Variants in WDSUB1 observed in about 807,000 individuals in gnomAD.
WDSUB1 encodes WD repeat, sterile alpha motif and U-box domain containing 1.
In WDSUB1, 49 loss-of-function variants were observed where a neutral mutation model predicts 53.9. The ratio of observed to expected loss-of-function variants is 0.91; its 90% CI spans 0.72 to 1.15. The LOEUF (loss-of-function observed/expected upper bound fraction) is 1.15, where lower values mean the gene tolerates loss of function less well. Among genes scored for constraint, WDSUB1 ranks in the 50% most tolerant of loss-of-function variants. The pLI is 0.00. For missense variants in WDSUB1, 514 were observed against 562.0 expected (o/e 0.91, Z 0.86); for synonymous variants, 194 against 200.6 (o/e 0.97, Z 0.28).
At chr2:159,246,566 A>ACAAT (rs1362663850) in intron 10 of WDSUB1, among the ~76,000 whole-genome samples, 2 of 152,176 alleles carry the variant, frequency 1.3e-5, no homozygotes, top group Non-Finnish European at 2.9e-5. Context: ...TTAGAATGAT[A>ACAAT]CAATCACTTT....
At chr2:159,282,317 C>G (rs1466936152) in intron 2 of WDSUB1, among the ~76,000 whole-genome samples, 3 of 152,098 alleles carry the variant, frequency 2.0e-5, no homozygotes, top group Non-Finnish European at 4.4e-5. Context: ...CTCAGCCTCC[C>G]AAGTAGCTGG....
chr2:159,244,172 A>C (rs1257015845), intron 10 of WDSUB1, among the ~76,000 whole-genome samples: 3 of 152,132 alleles, frequency 2.0e-5, no homozygotes, highest in African/African-American at 7.2e-5. Context: ...TGAAGGTAAC[A>C]ATGTCTACAC....
At chr2:159,285,465 G>C (rs1011201790) in intron 1 of WDSUB1, among the ~76,000 whole-genome samples, 1 of 152,036 alleles carries the variant, frequency 6.6e-6, no homozygotes, top group African/African-American at 2.4e-5. Context: ...CAGCATTTTG[G>C]GAGGCCGAGA....
At chr2:159,266,351 G>A (rs1369377008) in intron 5 of WDSUB1, among the ~76,000 whole-genome samples, 1 of 152,088 alleles carries the variant, frequency 6.6e-6, no homozygotes, top group Non-Finnish European at 1.5e-5. Context: ...ACAACGCCCG[G>A]CTAATTTTTT....
In WDSUB1 at chr2:159,282,863, CA is replaced by C. The variant is rs753960568; in HGVS notation, c.206del (p.Leu69TrpfsTer23). ...CCCFSPSGHI[L>X]ASCSTDGTTV... ...TGGTACCATCTGTTGAACACGATGCCAAAATATGTCCTGAAGGGGAGAAACA... is the reference window on the plus strand; with the variant it reads ...TGGTACCATCTGTTGAACACGATGCCAAATATGTCCTGAAGGGGAGAAACA... On this transcript the variant is annotated frameshift_variant, in exon 2 of 11. Transcript: ENST00000359774. LOFTEE classifies it high-confidence loss of function. 1 of 1,614,070 alleles carries C rather than the reference CA, an allele frequency of 6.2e-7. No homozygotes were observed. Among genetic ancestry groups the C allele is most frequent in the South Asian group, 1.1e-5 (1 of 91,078 alleles).
At chr2:159,255,583 A>AAC (rs1384434097) in intron 9 of WDSUB1, among the ~76,000 whole-genome samples, 2 of 152,212 alleles carry the variant, frequency 1.3e-5, no homozygotes, top group Non-Finnish European at 2.9e-5. Context: ...TCATTCTGTT[A>AAC]ACTCCTTAAA....
At chr2:159,243,479 A>ATATCCTGG (rs146210343) in intron 10 of WDSUB1, among the ~76,000 whole-genome samples, 15,190 of 147,866 alleles carry the variant, frequency 0.1, 1,453 homozygotes, top group Non-Finnish European at 0.15. Context: ...AGCAATGTCA[A>ATATCCTGG]TATCCTGGTT....
chr2:159,279,298 G>T (rs2061603941), intron 3 of WDSUB1, among the ~76,000 whole-genome samples: 2 of 152,176 alleles, frequency 1.3e-5, no homozygotes, highest in Admixed American at 6.5e-5. Context: ...AACTAATTGT[G>T]TTGGCAAACA....
At chr2:159,247,543 G>GT (rs950226786) in intron 10 of WDSUB1, among the ~76,000 whole-genome samples, 130 of 150,390 alleles carry the variant, frequency 8.6e-4, no homozygotes, top group South Asian at 1.3e-3. Context: ...ACTCTAAACT[G>GT]TTTTTTTTTC....
intron 10 of WDSUB1, among the ~76,000 whole-genome samples, chr2:159,238,713 G>A (rs1000606132): frequency 6.6e-6 from 1 of 152,036 alleles, no homozygotes; most frequent in East Asian, 1.9e-4. Flanking sequence ...GGAGGTTCTC[G>A]ACATGTAACA....
Position 159,236,079 on chromosome 2 carries a change from GT to G in WDSUB1, c.1384del (p.Thr462LeufsTer2). 6.2e-7 allele frequency: 1 copy of G among 1,612,686 alleles called. No homozygotes were observed. The highest frequency in any genetic ancestry group is 8.5e-7 in the Non-Finnish European group (1 of 1,179,618). ...CCATCTATTGATGGCCATTTTCAGAGTCCTATTTGGTGTAAGTACCGCTGAA... is the reference window on the plus strand; with the variant it reads ...CCATCTATTGATGGCCATTTTCAGAGCCTATTTGGTGTAAGTACCGCTGAA... ...LPSAVLTPNR[T>X]LKMAINRWLE... is the part of the protein sequence containing the mutation. On this transcript the variant is annotated frameshift_variant, in exon 11 of 11. Coordinates refer to ENST00000359774, the MANE Select transcript of WDSUB1 (RefSeq NM_001128212.3). LOFTEE classifies it high-confidence loss of function.
chr2:159,254,068 T>C (rs10194090), intron 9 of WDSUB1, among the ~76,000 whole-genome samples: 12,607 of 152,274 alleles, frequency 0.083, 1,164 homozygotes, highest in African/African-American at 0.22. Flanking sequence ...GTCTCCATTC[T>C]TAATGGTTTT....
rs183498032 is a variant in WDSUB1, at chr2:159,245,505, C to T, written c.1273+2867G>A. On this transcript the variant is annotated intron_variant, in intron 10 of 10. Coordinates refer to ENST00000359774, the MANE Select transcript of WDSUB1 (RefSeq NM_001128212.3). ...CCGAGATGGAGCCACTGCACTCCAG[C>T]GTGGGCAACAGAGCAAGACTCTGTC... 1.3e-3 allele frequency among the ~76,000 whole-genome samples: 188 copies of T among 147,882 alleles called. 1 individual carries two copies. The highest frequency in any genetic ancestry group is 1.4e-3 in the Non-Finnish European group (92 of 67,258).
chr2:159,278,883 A>AT (rs1438724234), intron 3 of WDSUB1, among the ~76,000 whole-genome samples: 1 of 152,202 alleles, frequency 6.6e-6, no homozygotes, highest in African/African-American at 2.4e-5. Flanking sequence ...GTTTTGTCCA[A>AT]TAGGGCAGTG....
At chr2:159,265,410 G>A (rs2061323604) in intron 5 of WDSUB1, among the ~76,000 whole-genome samples, 1 of 152,102 alleles carries the variant, frequency 6.6e-6, no homozygotes, top group Non-Finnish European at 1.5e-5. Context: ...GAGACCTTCT[G>A]GAAACAGGCA....
At chr2:159,244,036 G>GA (rs567694486) in intron 10 of WDSUB1, among the ~76,000 whole-genome samples, 3 of 151,880 alleles carry the variant, frequency 2.0e-5, no homozygotes, top group Non-Finnish European at 4.4e-5. Flanking sequence ...TCTAAAGGAG[G>GA]AAAAAAAATA....
chr2:159,284,882 G>A (rs2061754405), intron 1 of WDSUB1, among the ~76,000 whole-genome samples: 1 of 152,070 alleles, frequency 6.6e-6, no homozygotes, highest in South Asian at 2.1e-4. Flanking sequence ...TCCATAAAGC[G>A]GTTTTCTCAA....
At position 159,248,395 on chromosome 2, in the gene WDSUB1, A is replaced by C; in HGVS notation, c.1250T>G (p.Met417Arg). Residue 417 changes from methionine (M) to arginine (R), a missense_variant, in exon 10 of 11, where the codon ATG becomes AGG. Met to Arg is a moderately conservative substitution (Grantham distance 91, BLOSUM62 -1). Coordinates refer to ENST00000359774, the MANE Select transcript of WDSUB1 (RefSeq NM_001128212.3). ...ACCTGATGCGATGACCGGATCTTTC[A>C]TAAGTTCTCTAGTTATTGGACATAT... Reference protein sequence around the residue: ...EFICPITRELMKDPVIASDGY... With the variant: ...EFICPITRELRKDPVIASDGY... The C allele has an allele frequency of 1.2e-6, 2 of 1,612,322 alleles. No individual in the cohort carries two copies. The highest frequency in any genetic ancestry group is 1.1e-5 in the South Asian group (1 of 90,832).
At chr2:159,266,484 G>A (rs1167155547) in intron 5 of WDSUB1, among the ~76,000 whole-genome samples, 1 of 152,132 alleles carries the variant, frequency 6.6e-6, no homozygotes, top group Non-Finnish European at 1.5e-5. Context: ...CACCGCGCCT[G>A]GCCAAGGAAT....
Sources: gnomAD v4.1 joint callset for allele counts (sites outside exome capture counted in the v4.1 genomes callset) on GRCh38, gnomAD v4.1.1 for gene constraint, MANE v1.5 for transcripts, NCBI Gene and HGNC (gene_info 2026-07-23, HGNC 2026-07-21) for gene names.